The following TECTA variants were observed in gnomAD, a reference collection of about 807,000 sequenced individuals.
The protein encoded by TECTA is tectorin alpha, also known as alpha-tectorin.
TECTA carries 128 observed loss-of-function variants against 216.8 expected under a neutral mutation model. The ratio of observed to expected loss-of-function variants is 0.59; its 90% CI spans 0.51 to 0.68. The LOEUF (loss-of-function observed/expected upper bound fraction) is 0.68, where lower values mean the gene tolerates loss of function less well. TECTA is among the 30% of genes least tolerant of loss of function. The pLI is 0.00. For synonymous variants in TECTA, 1,089 were observed against 1,117.1 expected (o/e 0.97, Z 0.50); for missense variants, 2,551 against 2,786.2 (o/e 0.92, Z 1.90).
At chr11:121,179,386 G>A (rs1378229321) in intron 20 of TECTA, among the ~76,000 whole-genome samples, 1 of 152,006 alleles carries the variant, frequency 6.6e-6, no homozygotes, top group African/African-American at 2.4e-5. Flanking sequence ...TTCCATTGTG[G>A]TCTGAGAAGA....
chr11:121,128,043 C>A lies in TECTA; in HGVS notation c.2066C>A (p.Thr689Asn). The A allele has an allele frequency of 6.2e-7, 1 of 1,612,844 alleles. No individual in the cohort carries two copies. Among genetic ancestry groups the A allele is most frequent in the Non-Finnish European group, 8.5e-7 (1 of 1,179,488 alleles). The change falls in exon 9 of 24, where the codon ACC becomes AAC. Residue 689 changes from threonine (T) to asparagine (N), a missense_variant. Thr to Asn is a moderately conservative substitution (Grantham distance 65). This residue lies in a region of TECTA where 2,375 missense variants were observed against 2,563.9 expected (regional missense o/e 0.93). Transcript: ENST00000392793. ...EGGDVYCFNK[T>N]CGSGEVCAVE... The stretch of plus-strand genomic sequence containing the variant: ...GGGGACGTCTACTGCTTCAACAAGA[C>A]CTGCGGCAGCGGGGAGGTGTGCGCC...
At chr11:121,146,289 C>A (rs897326737) in intron 12 of TECTA, 173 bp downstream of exon 12, 1 of 722,508 alleles carries the variant, frequency 1.4e-6, no homozygotes, top group Non-Finnish European at 2.3e-6. Flanking sequence ...CCTCTTGGAG[C>A]CTCCATGTCC....
At position 121,190,878 on chromosome 11, in the gene TECTA, C is replaced by T. The variant is rs1171399003; in HGVS notation, c.*72C>T. The T allele has an allele frequency of 1.7e-6, 2 of 1,179,704 alleles. No individual in the cohort carries two copies. The highest frequency in any genetic ancestry group is 1.3e-5 in the South Asian group (1 of 78,542). 73.1% of individuals were successfully genotyped at this position (1,179,704 alleles called of 1,614,324 possible). On this transcript the variant is annotated 3_prime_UTR_variant, in exon 24 of 24. Transcript: ENST00000392793. ...CACCCTGTAGGATAAAAAGTGTGTG[C>T]CCTTAAGTCAAAACCTATTTGAAAG...
At position 121,160,166 on chromosome 11, in the gene TECTA, T is replaced by C; in HGVS notation, c.4721T>C (p.Ile1574Thr). ...GGCACACAAGTGAATGTTCCATTTA[T>C]AACTGGTTTGGCAACCAAAATCTAC... ...VNGTQVNVPF[I>T]TGLATKIYSS... The change falls in exon 15 of 24, where the codon ATA (isoleucine) becomes ACA (threonine). Residue 1574 changes from isoleucine to threonine, a missense_variant. This residue lies in a region of TECTA where 2,375 missense variants were observed against 2,563.9 expected (regional missense o/e 0.93). Coordinates refer to ENST00000392793, the MANE Select transcript of TECTA (RefSeq NM_005422.4). 1 of 1,614,222 alleles carries C rather than the reference T, an allele frequency of 6.2e-7. No individual in the cohort carries two copies. Among genetic ancestry groups the C allele is most frequent in the Non-Finnish European group, 8.5e-7 (1 of 1,180,044 alleles).
At chr11:121,137,332 A>C in intron 10 of TECTA, 89 bp from the exon 11 acceptor site, 3 of 1,542,224 alleles carry the variant, frequency 1.9e-6, no homozygotes, top group Non-Finnish European at 2.7e-6. Flanking sequence ...ACAAACACAC[A>C]TGCACTCATA....
intron 16 of TECTA, among the ~76,000 whole-genome samples, chr11:121,162,898 G>GT (rs1265029582): frequency 1.3e-5 from 2 of 152,208 alleles, no homozygotes; most frequent in African/African-American, 2.4e-5. Flanking sequence ...ATCTTGTGGG[G>GT]TTTTTTCTGT....
At position 121,168,252 on chromosome 11, in the gene TECTA, T is replaced by C. The variant is rs766476110; in HGVS notation, c.5750+35T>C. 1.3e-5 allele frequency: 21 copies of C among 1,613,700 alleles called. No individual in the cohort carries two copies. In the Admixed American group the frequency reaches 3.2e-4, roughly 24 times the overall value. On this transcript the variant is annotated intron_variant, in intron 19 of 23. Transcript: ENST00000392793. ...CTCCTGGGCTGTGCACATTGCTTTT[T>C]CTATTCCTTGACAGTTAAGGTTAGC...
chr11:121,114,739 A>T (rs3016243), intron 6 of TECTA, among the ~76,000 whole-genome samples: 13,558 of 40,742 alleles, frequency 0.33, 4,135 homozygotes, highest in Non-Finnish European at 0.43. Context: ...CCATCCACCC[A>T]TTCACCCACC....
At chr11:121,143,077 C>G (rs1674203235) in intron 11 of TECTA, among the ~76,000 whole-genome samples, 1 of 152,224 alleles carries the variant, frequency 6.6e-6, no homozygotes, top group South Asian at 2.1e-4. Context: ...GCTTCTGCAA[C>G]CCAAATTCTG....
intron 23 of TECTA, among the ~76,000 whole-genome samples, chr11:121,190,382 A>G (rs547078389): frequency 1.1e-3 from 174 of 152,258 alleles, no homozygotes; most frequent in African/African-American, 4.1e-3. Context: ...CTCCTGCCTC[A>G]ACCACCGGAG....
rs570922111 is a variant in TECTA, at chr11:121,166,446, T to C, written c.5384-132T>C. ...TCATTTGGTTTGATCAAAGCATAAT[T>C]AGAAATGCTGCAGCCTTGGAGTGGA... On this transcript the variant is annotated intron_variant, in intron 17 of 23. Coordinates refer to ENST00000392793, the MANE Select transcript of TECTA (RefSeq NM_005422.4). 480 of 882,372 alleles carry C rather than the reference T, an allele frequency of 5.4e-4. 1 individual carries two copies. The highest frequency in any genetic ancestry group is 3.1e-3 in the African/African-American group (186 of 60,580). The allele number at this position is 882,372 out of a possible 1,614,324, so 54.7% of individuals were successfully genotyped here. A position where few individuals can be genotyped will look rare whatever the true frequency, so the allele number is the denominator to read the frequency against.
intron 13 of TECTA, among the ~76,000 whole-genome samples, chr11:121,153,638 G>A (rs546613283): frequency 6.6e-6 from 1 of 152,310 alleles, no homozygotes; most frequent in South Asian, 2.1e-4. Flanking sequence ...GGTCTGGACT[G>A]CTAATGTGGT....
chr11:121,161,988 T>C, intron 15 of TECTA, 87 bp from the exon 16 acceptor site: 1 of 1,575,790 alleles, frequency 6.3e-7, no homozygotes, highest in Non-Finnish European at 8.7e-7. Flanking sequence ...ATGCACTAGC[T>C]TCAGGGGTAG....
chr11:121,168,927 T>C lies in TECTA; in HGVS notation c.5999+2T>C. The C allele has an allele frequency of 6.2e-7, 1 of 1,614,002 alleles. No individual in the cohort carries two copies. Among genetic ancestry groups the C allele is most frequent in the Non-Finnish European group, 8.5e-7 (1 of 1,179,958 alleles). ...CCGATATTTCATCATTGAAGGAGGG[T>C]GAGTAGCCTCTTTATAGACAACATT... On this transcript the variant is annotated splice_donor_variant, in intron 20 of 23. Coordinates refer to ENST00000392793, the MANE Select transcript of TECTA (RefSeq NM_005422.4). LOFTEE classifies it high-confidence loss of function.
At chr11:121,123,117 C>T (rs1946575651) in intron 7 of TECTA, among the ~76,000 whole-genome samples, 1 of 152,200 alleles carries the variant, frequency 6.6e-6, no homozygotes, top group South Asian at 2.1e-4. Flanking sequence ...GCCAGACAGT[C>T]TCATGTGCCA....
intron 3 of TECTA, among the ~76,000 whole-genome samples, chr11:121,108,700 TAC>T (rs1387750471): frequency 1.5e-5 from 2 of 133,312 alleles, no homozygotes; most frequent in Admixed American, 1.5e-4. Flanking sequence ...CTCACCCCAA[TAC>T]ACACACACAT....
intron 10 of TECTA, among the ~76,000 whole-genome samples, chr11:121,131,858 A>G (rs949260749): frequency 1.3e-5 from 2 of 152,206 alleles, no homozygotes; most frequent in African/African-American, 2.4e-5. Context: ...CAGGAATACC[A>G]CAAAAGCAAT....
At chr11:121,180,133 A>C (rs1170208327) in intron 20 of TECTA, among the ~76,000 whole-genome samples, 1 of 151,452 alleles carries the variant, frequency 6.6e-6, no homozygotes, top group Non-Finnish European at 1.5e-5. Flanking sequence ...ATTCTCTCTT[A>C]TCATTTATTA....
chr11:121,172,258 T>C (rs1947119890), intron 20 of TECTA, among the ~76,000 whole-genome samples: 1 of 152,128 alleles, frequency 6.6e-6, no homozygotes, highest in Admixed American at 6.6e-5. Context: ...TACATATGTA[T>C]ACATGTGCCA....
Sources: allele counts gnomAD v4.1 joint callset (sites outside exome capture counted in the v4.1 genomes callset), GRCh38; gene constraint gnomAD v4.1.1; regional missense constraint gnomAD v4.1.1; transcripts MANE v1.5; gene names NCBI Gene and HGNC (gene_info 2026-07-23, HGNC 2026-07-21).